GRIK4: variants seen among roughly 807,000 people sequenced by gnomAD.
GRIK4 encodes the protein glutamate ionotropic receptor kainate type subunit 4.
A neutral mutation model predicts 104.9 loss-of-function variants in GRIK4; 40 were observed. The ratio of observed to expected loss-of-function variants is 0.38; its 90% CI spans 0.30 to 0.50. The LOEUF (loss-of-function observed/expected upper bound fraction) is 0.50, where lower values mean the gene tolerates loss of function less well. GRIK4 is among the 20% of genes least tolerant of loss of function. GRIK4 has a pLI of 0.93. For synonymous variants in GRIK4, 485 were observed against 524.9 expected (o/e 0.92, Z 1.04); for missense variants, 1,047 against 1,308.1 (o/e 0.80, Z 3.08).
intron 8 of GRIK4, among the ~76,000 whole-genome samples, chr11:120,850,574 C>T (rs1005664424): frequency 2.0e-5 from 3 of 152,056 alleles, no homozygotes; most frequent in African/African-American, 7.2e-5. Flanking sequence ...AGGGCAGGGC[C>T]CATCCCTTGC....
At chr11:120,586,384 G>A (rs1036409267) in intron 1 of GRIK4, among the ~76,000 whole-genome samples, 5 of 152,130 alleles carry the variant, frequency 3.3e-5, no homozygotes, top group African/African-American at 1.2e-4. Flanking sequence ...GAGGACAGGC[G>A]ATGAGGCTGG....
At chr11:120,843,979 C>G (rs1591982343) in intron 8 of GRIK4, among the ~76,000 whole-genome samples, 1 of 152,164 alleles carries the variant, frequency 6.6e-6, no homozygotes, top group East Asian at 1.9e-4. Context: ...ATGCCCCAGT[C>G]TCTATCTTGT....
At chr11:120,837,423 C>T (rs11600004) in intron 8 of GRIK4, among the ~76,000 whole-genome samples, 28,285 of 152,166 alleles carry the variant, frequency 0.19, 2,721 homozygotes, top group African/African-American at 0.24. Flanking sequence ...GGAAGCCGTT[C>T]AGCCTTCTCT....
chr11:120,761,818 TAGTACC>T (rs1951754143), intron 3 of GRIK4, among the ~76,000 whole-genome samples: 1 of 152,222 alleles, frequency 6.6e-6, no homozygotes, highest in Admixed American at 6.5e-5. Context: ...ATATCTGTTT[TAGTACC>T]AGTACCATGC....
chr11:120,739,528 C>A (rs994381880), intron 3 of GRIK4, among the ~76,000 whole-genome samples: 1 of 152,150 alleles, frequency 6.6e-6, no homozygotes, highest in Non-Finnish European at 1.5e-5. Flanking sequence ...TTGCAGGGAC[C>A]ATGGAGATGA....
At chr11:120,605,720 C>A (rs997146950) in intron 1 of GRIK4, among the ~76,000 whole-genome samples, 3 of 152,226 alleles carry the variant, frequency 2.0e-5, no homozygotes, top group Non-Finnish European at 4.4e-5. Flanking sequence ...GTGTAAAACC[C>A]CCTGCCCTTC....
chr11:120,868,457 G>C (rs906516868), intron 9 of GRIK4: 4 of 148,328 alleles, frequency 2.7e-5, no homozygotes, highest in African/African-American at 7.5e-5. Context: ...TGCACACACA[G>C]ATGAGGAGTA....
At chr11:120,827,896 A>T (rs966757721) in intron 6 of GRIK4, among the ~76,000 whole-genome samples, 7 of 152,186 alleles carry the variant, frequency 4.6e-5, no homozygotes, top group African/African-American at 1.7e-4. Context: ...TGCATCATAA[A>T]GGAAGAGTTA....
At position 120,730,600 on chromosome 11, in the gene GRIK4, A is replaced by G. The variant is rs374628693; in HGVS notation, c.82+70200A>G. ...TTAGTTTTTTTTTCTATTTCCGTGA[A>G]GAATGTAATTGATATTTTCATAGAG... On this transcript the variant is annotated intron_variant, in intron 3 of 20. Coordinates refer to ENST00000527524, the MANE Select transcript of GRIK4 (RefSeq NM_014619.5). 6.6e-5 allele frequency among the ~76,000 whole-genome samples: 10 copies of G among 152,060 alleles called. No individual in the cohort carries two copies. The East Asian group carries it at 1.5e-3, about 23-fold the overall frequency.
chr11:120,715,557 CCTCT>C (rs1411721874), intron 3 of GRIK4, among the ~76,000 whole-genome samples: 1 of 152,068 alleles, frequency 6.6e-6, no homozygotes, highest in Non-Finnish European at 1.5e-5. Flanking sequence ...TCCAACGCTC[CCTCT>C]CTCTCCTCTT....
At chr11:120,705,169 G>A (rs1009668188) in intron 3 of GRIK4, among the ~76,000 whole-genome samples, 1 of 151,102 alleles carries the variant, frequency 6.6e-6, no homozygotes, top group Non-Finnish European at 1.5e-5. Flanking sequence ...TGTTTTGGCT[G>A]TTCATAGAGT....
intron 19 of GRIK4, among the ~76,000 whole-genome samples, chr11:120,980,712 A>C (rs1944637205): frequency 6.6e-6 from 1 of 152,162 alleles, no homozygotes; most frequent in Non-Finnish European, 1.5e-5. Flanking sequence ...CCACATTCAC[A>C]CAGGTACTCA....
intron 3 of GRIK4, among the ~76,000 whole-genome samples, chr11:120,760,444 T>C (rs1444697159): frequency 6.7e-6 from 1 of 148,628 alleles, no homozygotes; most frequent in Non-Finnish European, 1.5e-5. Context: ...CATATATATA[T>C]ATACTTTTCT....
At position 120,953,003 on chromosome 11, in the gene GRIK4, C is replaced by CTCGTG. The variant is rs767478288; in HGVS notation, c.1700+42_1700+46dup. 7.6e-7 allele frequency: 1 copy of CTCGTG among 1,318,118 alleles called. No homozygotes were observed. Among genetic ancestry groups the CTCGTG allele is most frequent in the Non-Finnish European group, 1.1e-6 (1 of 912,338 alleles). 81.7% of individuals were successfully genotyped at this position (1,318,118 alleles called of 1,614,324 possible). A position where few individuals can be genotyped will look rare whatever the true frequency, so the allele number is the denominator to read the frequency against. ...CCCTTCCCTGTCCTTACACCGCCAC[C>CTCGTG]TCGTGTCCACCTCTGGGAACTGCAT... On this transcript the variant is annotated intron_variant, in intron 15 of 20. Transcript: ENST00000527524. The surrounding 1 kb of genome is among the most constrained non-coding windows in gnomAD (Gnocchi z 4.9).
At chr11:120,752,839 G>A (rs1951580505) in intron 3 of GRIK4, among the ~76,000 whole-genome samples, 11 of 152,218 alleles carry the variant, frequency 7.2e-5, no homozygotes, top group Admixed American at 7.2e-4. Flanking sequence ...AGTGATTAGT[G>A]ACCCACAGTG....
At position 120,957,591 on chromosome 11, in the gene GRIK4, A is replaced by ATTGTGTGTGTGTGTGTGTG. The variant is rs553062830; in HGVS notation, c.1874+639_1874+640insTGTGTGTGTGTGTGTGTGT. On this transcript the variant is annotated intron_variant, in intron 16 of 20. Coordinates refer to ENST00000527524, the MANE Select transcript of GRIK4 (RefSeq NM_014619.5). Reference sequence around the variant, plus strand: ...TGGGGGCAAAGGAAAGACAAAACAAATGTGTGTGTGTGTGTGTGTGTGTGT... The same window carrying ATTGTGTGTGTGTGTGTGTG: ...TGGGGGCAAAGGAAAGACAAAACAAATTGTGTGTGTGTGTGTGTGTGTGTGTGTGTGTGTGTGTGTGTGT... Among the ~76,000 whole-genome samples the ATTGTGTGTGTGTGTGTGTG allele has an allele frequency of 2.2e-3, 301 of 136,526 alleles. 1 individual carries two copies. Among genetic ancestry groups the ATTGTGTGTGTGTGTGTGTG allele is most frequent in the Middle Eastern group, 0.014 (4 of 276 alleles). 89.6% of individuals were successfully genotyped at this position (136,526 alleles called of 152,430 possible).
chr11:120,529,477 A>T (rs896332871), intron 1 of GRIK4, among the ~76,000 whole-genome samples: 1 of 152,226 alleles, frequency 6.6e-6, no homozygotes, highest in African/African-American at 2.4e-5. Flanking sequence ...CAGCCTGGGC[A>T]CCAGTGACCA....
Position 120,543,071 on chromosome 11 carries a change from G to A in GRIK4, c.-159+31184G>A, listed in dbSNP as rs538363373. Among the ~76,000 whole-genome samples, 30 of 152,288 alleles carry A rather than the reference G, an allele frequency of 2.0e-4. No individual in the cohort carries two copies. The South Asian group carries it at 4.4e-3, about 22-fold the overall frequency. On this transcript the variant is annotated intron_variant, in intron 1 of 20. Transcript: ENST00000527524. Reference sequence around the variant, plus strand: ...TCATAGCTGGTACAAGTGTACCCCCGTACACTGTTGGTGGGAATGTAAATT... The same window carrying A: ...TCATAGCTGGTACAAGTGTACCCCCATACACTGTTGGTGGGAATGTAAATT...
intron 9 of GRIK4, among the ~76,000 whole-genome samples, chr11:120,865,434 C>G (rs1464884314): frequency 2.0e-5 from 3 of 152,272 alleles, no homozygotes; most frequent in African/African-American, 7.2e-5. Context: ...TTGGGCAGCT[C>G]TGCTGCTCTG....
Sources: gnomAD v4.1 joint callset for allele counts (sites outside exome capture counted in the v4.1 genomes callset) on GRCh38, gnomAD v4.1.1 for gene constraint, Gnocchi (gnomAD v3.1) non-coding constraint, MANE v1.5 for transcripts, NCBI Gene and HGNC (gene_info 2026-07-23, HGNC 2026-07-21) for gene names.